CDH13: variants seen among roughly 807,000 people sequenced by gnomAD.
The protein encoded by CDH13 is cadherin 13.
Under a neutral mutation model 63.8 loss-of-function variants are expected in CDH13, and 24 were observed. The ratio of observed to expected loss-of-function variants is 0.38; its 90% CI spans 0.27 to 0.53. The LOEUF (loss-of-function observed/expected upper bound fraction) is 0.53. CDH13 is among the 20% of genes least tolerant of loss of function. The pLI is 0.85. For missense variants in CDH13, 1,049 were observed against 903.1 expected, an observed-to-expected ratio of 1.16 and a Z score of -2.07; for synonymous variants, 503 against 355.3, an observed-to-expected ratio of 1.42 and a Z score of -4.67.
chr16:83,090,108 A>T (rs771219587), intron 3 of CDH13, among the ~76,000 whole-genome samples: 1 of 152,022 alleles, frequency 6.6e-6, no homozygotes, highest in Non-Finnish European at 1.5e-5. Context: ...CTGGTCGTCA[A>T]CCCCACCCAC....
chr16:82,652,954 C>T (rs1027787486), intron 1 of CDH13, among the ~76,000 whole-genome samples: 3 of 152,114 alleles, frequency 2.0e-5, no homozygotes, highest in African/African-American at 7.2e-5. Context: ...TTCATTGATT[C>T]GTTCATTCAT....
chr16:83,747,431 C>T (rs181998522), intron 10 of CDH13, among the ~76,000 whole-genome samples: 152 of 152,244 alleles, frequency 1.0e-3, no homozygotes, highest in Admixed American at 5.2e-3. Context: ...TTTCACCTTC[C>T]GCCATGATTG....
chr16:83,680,976 G>A (rs1350112639), intron 10 of CDH13, among the ~76,000 whole-genome samples: 3 of 151,942 alleles, frequency 2.0e-5, no homozygotes, highest in Non-Finnish European at 2.9e-5. Context: ...GAGGGAAGAG[G>A]CACCAGCAAA....
At chr16:82,862,124 C>G (rs1336005134) in intron 2 of CDH13, among the ~76,000 whole-genome samples, 1 of 152,188 alleles carries the variant, frequency 6.6e-6, no homozygotes, top group Non-Finnish European at 1.5e-5. Context: ...ACCCATATCT[C>G]CCTCAAATTG....
intron 4 of CDH13, among the ~76,000 whole-genome samples, chr16:83,158,241 T>G (rs1431527612): frequency 6.6e-6 from 1 of 152,152 alleles, no homozygotes; most frequent in Admixed American, 6.5e-5. Flanking sequence ...AAGTTTCTCT[T>G]TCTTTATGTT....
chr16:83,666,271 A>G (rs996412297), intron 8 of CDH13, among the ~76,000 whole-genome samples: 1 of 152,226 alleles, frequency 6.6e-6, no homozygotes, highest in Non-Finnish European at 1.5e-5. Context: ...CTTGAATTAT[A>G]TAATGGGGTT....
intron 1 of CDH13, among the ~76,000 whole-genome samples, chr16:82,748,159 C>A (rs1002605120): frequency 6.6e-6 from 1 of 152,162 alleles, no homozygotes; most frequent in Non-Finnish European, 1.5e-5. Context: ...AGCATCATAG[C>A]TGGGGACTCT....
intron 1 of CDH13, among the ~76,000 whole-genome samples, chr16:82,737,181 T>A (rs10514562): frequency 0.17 from 25,210 of 152,212 alleles, 2,362 homozygotes; most frequent in East Asian, 0.43. Context: ...CCCAAAGGCA[T>A]GTGAACTCAT....
chr16:82,793,692 TTGTC>T (rs778578948), intron 1 of CDH13, among the ~76,000 whole-genome samples: 5 of 152,154 alleles, frequency 3.3e-5, no homozygotes, highest in African/African-American at 7.2e-5. Context: ...CTCCTTCCTC[TTGTC>T]TGTGATGTAG....
At chr16:83,238,616 C>A (rs1371024347) in intron 5 of CDH13, among the ~76,000 whole-genome samples, 1 of 152,104 alleles carries the variant, frequency 6.6e-6, no homozygotes, top group Non-Finnish European at 1.5e-5. Flanking sequence ...TTGTTTCTTA[C>A]CTAGGTTGGT....
At chr16:83,471,979 T>G (rs954134367) in intron 6 of CDH13, among the ~76,000 whole-genome samples, 2 of 152,234 alleles carry the variant, frequency 1.3e-5, no homozygotes, top group Non-Finnish European at 2.9e-5. Context: ...ACACTAACCT[T>G]GCTTTCATTG....
intron 6 of CDH13, among the ~76,000 whole-genome samples, chr16:83,402,345 C>T (rs2091981476): frequency 1.3e-5 from 2 of 152,164 alleles, no homozygotes; most frequent in Admixed American, 6.5e-5. Flanking sequence ...GAACAGGACA[C>T]AGAGTGATTC....
At chr16:83,515,846 C>A (rs1837320236) in intron 7 of CDH13, among the ~76,000 whole-genome samples, 1 of 151,832 alleles carries the variant, frequency 6.6e-6, no homozygotes, top group African/African-American at 2.4e-5. Context: ...ATGTGTCCTG[C>A]CACATTAAAA....
intron 2 of CDH13, among the ~76,000 whole-genome samples, chr16:83,014,673 G>C (rs1330949040): frequency 1.4e-5 from 2 of 145,758 alleles, no homozygotes; most frequent in Non-Finnish European, 3.0e-5. Context: ...AGAGGTTGCA[G>C]TGAGCTGAGA....
intron 1 of CDH13, among the ~76,000 whole-genome samples, chr16:82,837,591 A>G (rs574305320): frequency 6.6e-6 from 1 of 152,274 alleles, no homozygotes; most frequent in South Asian, 2.1e-4. Context: ...CAGTTACAAG[A>G]TTTCCACAAT....
At chr16:82,784,687 C>T (rs948425931) in intron 1 of CDH13, among the ~76,000 whole-genome samples, 6 of 152,088 alleles carry the variant, frequency 3.9e-5, no homozygotes, top group Admixed American at 6.5e-5. Flanking sequence ...ACCATGAGAG[C>T]TGGTAACTCT....
intron 1 of CDH13, among the ~76,000 whole-genome samples, chr16:82,769,564 G>A (rs1075797): frequency 0.7 from 106,605 of 152,086 alleles, 40,117 homozygotes; most frequent in East Asian, 1. Context: ...GGCCATTGAC[G>A]TTTATGTCTC....
At chr16:83,428,034 C>T (rs181091368) in intron 6 of CDH13, among the ~76,000 whole-genome samples, 119 of 152,300 alleles carry the variant, frequency 7.8e-4, no homozygotes, top group Non-Finnish European at 6.8e-4. Context: ...TTTAGAGAAT[C>T]GGTCTCTGGT....
At chr16:82,745,157 T>C (rs921062083) in intron 1 of CDH13, among the ~76,000 whole-genome samples, 2 of 152,166 alleles carry the variant, frequency 1.3e-5, no homozygotes, top group Non-Finnish European at 2.9e-5. Flanking sequence ...AAAAGAATAC[T>C]GTTGAATCTG....
Sources: gnomAD v4.1 joint callset for allele counts (sites outside exome capture counted in the v4.1 genomes callset) on GRCh38, gnomAD v4.1.1 for gene constraint, MANE v1.5 for transcripts, NCBI Gene and HGNC (gene_info 2026-07-23, HGNC 2026-07-21) for gene names.